Variants in CEP112 observed in about 807,000 individuals in gnomAD.
CEP112 encodes centrosomal protein of 112 kDa.
In CEP112, 127 loss-of-function variants were observed where a neutral mutation model predicts 153.0. That is an observed-to-expected ratio of 0.83 (90% CI 0.72 to 0.96). The LOEUF is 0.96. CEP112 is among the 40% of genes least tolerant of loss of function. The pLI, the probability that CEP112 is intolerant of heterozygous loss-of-function variation, is 0.00. For missense variants in CEP112, 1,089 were observed against 1,101.2 expected (o/e 0.99, Z 0.16); for synonymous variants, 358 against 374.4 (o/e 0.96, Z 0.51).
intron 22 of CEP112, among the ~76,000 whole-genome samples, chr17:65,748,590 G>A (rs2145222855): frequency 6.6e-6 from 1 of 152,248 alleles, no homozygotes; most frequent in Non-Finnish European, 1.5e-5. Flanking sequence ...GCTTTAGTGT[G>A]TACTAGGTAC....
intron 4 of CEP112, among the ~76,000 whole-genome samples, chr17:66,137,856 A>G (rs2070506771): frequency 6.6e-6 from 1 of 152,220 alleles, no homozygotes; most frequent in African/African-American, 2.4e-5. Flanking sequence ...ACTAGTTAGT[A>G]GCATGAAAAC....
At chr17:65,852,150 G>A (rs2057956895) in intron 20 of CEP112, 116 bp from the exon 21 acceptor site, 3 of 638,346 alleles carry the variant, frequency 4.7e-6, no homozygotes, top group Non-Finnish European at 7.9e-6. Context: ...AGAAAGCTTA[G>A]ATTGCACTCC....
At chr17:65,933,831 C>T (rs976840842) in intron 18 of CEP112, among the ~76,000 whole-genome samples, 2 of 152,160 alleles carry the variant, frequency 1.3e-5, no homozygotes, top group Admixed American at 6.5e-5. Context: ...GTGTGTAAAG[C>T]AATTTTATCT....
intron 21 of CEP112, among the ~76,000 whole-genome samples, chr17:65,801,349 C>A (rs1376068099): frequency 1.3e-5 from 2 of 152,190 alleles, no homozygotes; most frequent in African/African-American, 4.8e-5. Flanking sequence ...TGAGCCACTG[C>A]ACCCAGCCAT....
chr17:65,785,712 GAA>G (rs2054243532), intron 21 of CEP112, among the ~76,000 whole-genome samples: 1 of 152,134 alleles, frequency 6.6e-6, no homozygotes. Context: ...GAAATGTCAT[GAA>G]AATTTACTTG....
At chr17:66,023,903 T>C (rs1365249481) in intron 16 of CEP112, among the ~76,000 whole-genome samples, 1 of 152,016 alleles carries the variant, frequency 6.6e-6, no homozygotes, top group Non-Finnish European at 1.5e-5. Context: ...GATGAACATA[T>C]ATGCAAAAAT....
At chr17:65,895,334 C>CTTGTTG (rs34014813) in intron 20 of CEP112, among the ~76,000 whole-genome samples, 1 of 151,434 alleles carries the variant, frequency 6.6e-6, no homozygotes, top group African/African-American at 2.4e-5. Context: ...ACCATAAATA[C>CTTGTTG]TTGTTGTTGT....
At chr17:65,910,677 G>A (rs1460133473) in intron 19 of CEP112, among the ~76,000 whole-genome samples, 1 of 152,060 alleles carries the variant, frequency 6.6e-6, no homozygotes, top group Admixed American at 6.6e-5. Context: ...TAGATAAAGG[G>A]TTTGAGGTAA....
intron 17 of CEP112, among the ~76,000 whole-genome samples, chr17:66,003,921 A>T (rs1254906414): frequency 6.6e-6 from 1 of 152,160 alleles, no homozygotes; most frequent in Non-Finnish European, 1.5e-5. Flanking sequence ...ACTGTCTTCC[A>T]TGAAACCGGT....
At chr17:66,045,251 G>T (rs1300389173) in intron 12 of CEP112, among the ~76,000 whole-genome samples, 1 of 151,816 alleles carries the variant, frequency 6.6e-6, no homozygotes, top group Non-Finnish European at 1.5e-5. Flanking sequence ...TTTATTTTTT[G>T]TAGAGATGGG....
At chr17:66,183,773 A>C (rs957371550) in intron 1 of CEP112, among the ~76,000 whole-genome samples, 11 of 150,782 alleles carry the variant, frequency 7.3e-5, no homozygotes, top group South Asian at 6.3e-4. Flanking sequence ...TCCATATACA[A>C]AAAAAAAAGA....
At chr17:66,023,907 C>G (rs1305378881) in intron 16 of CEP112, among the ~76,000 whole-genome samples, 1 of 151,942 alleles carries the variant, frequency 6.6e-6, no homozygotes, top group African/African-American at 2.4e-5. Flanking sequence ...AACATATATG[C>G]AAAAATCCAT....
intron 22 of CEP112, among the ~76,000 whole-genome samples, chr17:65,746,866 A>G (rs2051504992): frequency 6.6e-6 from 1 of 152,190 alleles, no homozygotes; most frequent in South Asian, 2.1e-4. Flanking sequence ...GCACTCAACT[A>G]AATGTTTATA....
At chr17:66,165,318 A>C (rs1478988742) in intron 4 of CEP112, among the ~76,000 whole-genome samples, 1 of 152,204 alleles carries the variant, frequency 6.6e-6, no homozygotes, top group Non-Finnish European at 1.5e-5. Context: ...GCCACATTTC[A>C]AGTGTTCAAT....
Position 65,750,712 on chromosome 17 carries a change from G to C in CEP112, c.2407C>G (p.Leu803Val). The C allele has an allele frequency of 6.2e-7, 1 of 1,613,982 alleles. No individual in the cohort carries two copies. ...EMTLEKANSK[L>V]KQIEKEYTQK... ...GTGTATTCCTTCTCAATCTGCTTCAGCTTGCTGTTGGCCTGAAAAACACAT... is the reference window on the plus strand; with the variant it reads ...GTGTATTCCTTCTCAATCTGCTTCACCTTGCTGTTGGCCTGAAAAACACAT... Residue 803 changes from leucine (L) to valine (V), a missense_variant, in exon 22 of 27, where the codon CTG (leucine) becomes GTG (valine). Physicochemically the swap from Leu to Val is conservative, Grantham distance 32. Transcript: ENST00000535342.
At chr17:66,150,729 T>G (rs1018915176) in intron 4 of CEP112, among the ~76,000 whole-genome samples, 2 of 152,252 alleles carry the variant, frequency 1.3e-5, no homozygotes, top group Middle Eastern at 3.2e-3. Context: ...TCCTCAAATC[T>G]TCTACATCCT....
At chr17:65,921,869 A>G (rs746827201) in intron 19 of CEP112, among the ~76,000 whole-genome samples, 1 of 152,162 alleles carries the variant, frequency 6.6e-6, no homozygotes, top group African/African-American at 2.4e-5. Flanking sequence ...TGAAGTTTAC[A>G]TGCTTCCAGA....
chr17:66,106,129 C>A (rs1192612727), intron 6 of CEP112, among the ~76,000 whole-genome samples: 1 of 151,632 alleles, frequency 6.6e-6, no homozygotes, highest in African/African-American at 2.4e-5. Flanking sequence ...ATACAACATA[C>A]CAAAATCTAT....
At chr17:66,056,831 G>C (rs978722833) in intron 11 of CEP112, among the ~76,000 whole-genome samples, 2 of 152,034 alleles carry the variant, frequency 1.3e-5, no homozygotes, top group Non-Finnish European at 2.9e-5. Flanking sequence ...ACAACTTTGT[G>C]AATACATCAA....
Sources: allele counts gnomAD v4.1 joint callset (sites outside exome capture counted in the v4.1 genomes callset), GRCh38; gene constraint gnomAD v4.1.1; transcripts MANE v1.5; gene names NCBI Gene and HGNC (gene_info 2026-07-23, HGNC 2026-07-21).